Variants in COL19A1 observed in about 807,000 individuals in gnomAD.
The protein encoded by COL19A1 is collagen alpha-1(XIX) chain.
In COL19A1, 159 loss-of-function variants were observed where a neutral mutation model predicts 190.2. The ratio of observed to expected loss-of-function variants is 0.84; its 90% confidence interval spans 0.73 to 0.95. The LOEUF (loss-of-function observed/expected upper bound fraction) is 0.95. Among genes scored for constraint, COL19A1 ranks in the 40% least tolerant of loss-of-function variants. The pLI is 0.00. For synonymous variants in COL19A1, 509 were observed against 458.9 expected (o/e 1.11, Z -1.39); for missense variants, 1,418 against 1,431.9 (o/e 0.99, Z 0.16).
chr6:70,166,136 A>C, intron 37 of COL19A1, 151 bp downstream of exon 37: 1 of 708,394 alleles, frequency 1.4e-6, no homozygotes, highest in Admixed American at 2.3e-5. Context: ...AGCTTTAAAG[A>C]GACCTGATTT....
chr6:69,975,015 A>G (rs557460568), intron 11 of COL19A1, among the ~76,000 whole-genome samples: 188 of 151,922 alleles, frequency 1.2e-3, no homozygotes, highest in Non-Finnish European at 2.2e-3. Flanking sequence ...GGGTTTCACC[A>G]TGCTAGCCAG....
intron 20 of COL19A1, 127 bp from the exon 21 acceptor site, chr6:70,141,763 ATTT>A: frequency 1.6e-6 from 1 of 639,316 alleles, no homozygotes; most frequent in South Asian, 2.1e-5. Flanking sequence ...ACTCTCCTTG[ATTT>A]TATTGTGTCT....
At chr6:69,919,267 T>C (rs781205358) in intron 4 of COL19A1, among the ~76,000 whole-genome samples, 2 of 152,236 alleles carry the variant, frequency 1.3e-5, no homozygotes, top group Non-Finnish European at 2.9e-5. Flanking sequence ...TTGTTAGTAA[T>C]GTGTGACCGA....
At chr6:70,200,729 A>G (rs767332958) in intron 49 of COL19A1, among the ~76,000 whole-genome samples, 1 of 152,176 alleles carries the variant, frequency 6.6e-6, no homozygotes. Flanking sequence ...TCCCAAGGTG[A>G]CTGATGTGCC....
rs1767942362 is a variant in COL19A1, at chr6:70,207,253, T to G, written c.3408T>G (p.His1136Gln). ...GCCTCTATCCTGTGTCTCATGCCCA[T>G]CAGCGCACAGGTGGGAATTGAACAC... ...EDCLYPVSHA[H>Q]QRTGGN Residue 1136 changes from histidine to glutamine, a missense_variant, in exon 51 of 51, where the codon CAT becomes CAG. By Grantham distance (24) the His-to-Gln change is conservative (BLOSUM62 0). Transcript: ENST00000620364. 2 of 1,613,530 alleles carry G rather than the reference T, an allele frequency of 1.2e-6. No individual in the cohort carries two copies. Among genetic ancestry groups the G allele is most frequent in the South Asian group, 1.1e-5 (1 of 91,074 alleles).
intron 48 of COL19A1, 79 bp downstream of exon 48, chr6:70,190,460 C>A: frequency 1.0e-6 from 1 of 956,254 alleles, no homozygotes; most frequent in Non-Finnish European, 1.6e-6. Context: ...CCTCCAGCAA[C>A]ATTCTCGAAA....
chr6:70,190,250 T>C, intron 47 of COL19A1, 65 bp from the exon 48 acceptor site: 1 of 1,259,728 alleles, frequency 7.9e-7, no homozygotes, highest in Non-Finnish European at 1.1e-6. Flanking sequence ...GCCAACCCAA[T>C]ATTTCTATTC....
intron 2 of COL19A1, among the ~76,000 whole-genome samples, chr6:69,889,148 T>G (rs1769152356): frequency 6.6e-6 from 1 of 152,240 alleles, no homozygotes; most frequent in Non-Finnish European, 1.5e-5. Flanking sequence ...AGGAAAGAAC[T>G]GCCATGAGCT....
intron 9 of COL19A1, among the ~76,000 whole-genome samples, chr6:69,943,396 A>G (rs1288951881): frequency 6.6e-6 from 1 of 152,070 alleles, no homozygotes. Context: ...GCTGTACAAA[A>G]GCTTTTTATT....
intron 14 of COL19A1, chr6:70,059,844 C>T: frequency 2.0e-6 from 1 of 498,694 alleles, no homozygotes; most frequent in Non-Finnish European, 4.0e-6. Context: ...ACTCAATTTA[C>T]AGTTATTTTT....
At chr6:70,122,045 A>G (rs760013312) in intron 17 of COL19A1, 103 bp downstream of exon 17, 88 of 668,458 alleles carry the variant, frequency 1.3e-4, no homozygotes, top group Non-Finnish European at 1.8e-4. Flanking sequence ...ACTTTTATAC[A>G]TGATCACATG....
intron 15 of COL19A1, among the ~76,000 whole-genome samples, chr6:70,095,506 A>AAAAT (rs1273516191): frequency 6.6e-6 from 1 of 152,184 alleles, no homozygotes; most frequent in Non-Finnish European, 1.5e-5. Flanking sequence ...CATTTTGGTA[A>AAAAT]AAATAGTTGT....
At chr6:70,063,556 A>G (rs995540805) in intron 14 of COL19A1, among the ~76,000 whole-genome samples, 9 of 152,188 alleles carry the variant, frequency 5.9e-5, no homozygotes, top group Admixed American at 4.6e-4. Context: ...ACACCCCAAC[A>G]TCGCAATTAA....
At chr6:69,878,372 CCTGA>C (rs960825928) in intron 1 of COL19A1, among the ~76,000 whole-genome samples, 5 of 151,996 alleles carry the variant, frequency 3.3e-5, no homozygotes, top group Non-Finnish European at 5.9e-5. Flanking sequence ...CGCCACCGTG[CCTGA>C]CTAATTTTTT....
At chr6:69,911,974 G>A (rs1446955698) in intron 4 of COL19A1, among the ~76,000 whole-genome samples, 5 of 152,168 alleles carry the variant, frequency 3.3e-5, no homozygotes, top group Non-Finnish European at 5.9e-5. Flanking sequence ...ATTAAAATCT[G>A]ACTAGGACTT....
At chr6:70,021,300 T>C (rs1778399949) in intron 11 of COL19A1, among the ~76,000 whole-genome samples, 2 of 152,194 alleles carry the variant, frequency 1.3e-5, no homozygotes, top group South Asian at 4.1e-4. Context: ...CTCTGTTCTC[T>C]ATATTATTTT....
At chr6:70,100,648 A>G (rs1783574241) in intron 15 of COL19A1, among the ~76,000 whole-genome samples, 2 of 149,694 alleles carry the variant, frequency 1.3e-5, no homozygotes, top group Non-Finnish European at 2.9e-5. Flanking sequence ...ACATACCACC[A>G]TGCCTGGCTA....
chr6:69,976,534 G>A (rs1248659909), intron 11 of COL19A1, among the ~76,000 whole-genome samples: 1 of 152,134 alleles, frequency 6.6e-6, no homozygotes, highest in Non-Finnish European at 1.5e-5. Context: ...AGGACCTGTG[G>A]GAAGGAAGAG....
At chr6:70,155,648 G>A (rs1431840021) in intron 31 of COL19A1, among the ~76,000 whole-genome samples, 1 of 152,116 alleles carries the variant, frequency 6.6e-6, no homozygotes, top group Non-Finnish European at 1.5e-5. Flanking sequence ...GTATGTAGTT[G>A]GAGAACTAAT....
Sources: gnomAD v4.1 joint callset for allele counts (sites outside exome capture counted in the v4.1 genomes callset) on GRCh38, gnomAD v4.1.1 for gene constraint, MANE v1.5 for transcripts, NCBI Gene and HGNC (gene_info 2026-07-23, HGNC 2026-07-21) for gene names.